The following EIF4A3 variants were observed in gnomAD, a reference collection of about 807,000 sequenced individuals.
EIF4A3 encodes eukaryotic translation initiation factor 4A3.
Under a neutral mutation model 55.6 loss-of-function variants are expected in EIF4A3, and 1 was observed. That is an observed-to-expected ratio of 0.02 (90% CI 0.01 to 0.09). The LOEUF (loss-of-function observed/expected upper bound fraction) is 0.09. Among genes scored for constraint, EIF4A3 ranks in the 10% least tolerant of loss-of-function variants. The pLI is 1.00. For missense variants in EIF4A3, 221 were observed against 540.7 expected, an observed-to-expected ratio of 0.41 and a Z score of 5.86; for synonymous variants, 194 against 196.3, an observed-to-expected ratio of 0.99 and a Z score of 0.10.
At chr17:80,145,021 G>A (rs1272125421) in intron 1 of EIF4A3, among the ~76,000 whole-genome samples, 1 of 152,148 alleles carries the variant, frequency 6.6e-6, no homozygotes, top group Non-Finnish European at 1.5e-5. Flanking sequence ...CGAAAAATAA[G>A]AAACAAAAGA....
chr17:80,135,682 G>A, intron 11 of EIF4A3, 176 bp from the exon 12 acceptor site: 1 of 638,502 alleles, frequency 1.6e-6, no homozygotes, highest in East Asian at 2.8e-5. Context: ...GATCATTTGA[G>A]GCCAGGAGTT....
In EIF4A3 at chr17:80,139,005, C is replaced by A; in HGVS notation, c.728+16G>T. The A allele has an allele frequency of 6.2e-7, 1 of 1,612,234 alleles. No individual in the cohort carries two copies. The highest frequency in any genetic ancestry group is 8.5e-7 in the Non-Finnish European group (1 of 1,179,112). On this transcript the variant is annotated intron_variant, in intron 7 of 11. Transcript: ENST00000649764. ...CGGCCCAGTGTTTTAGTAAACTTGA[C>A]AAGAGGGGCTCCTACCGTTTCACCA...
chr17:80,137,712 T>C (rs1340789207), intron 8 of EIF4A3: 14 of 539,282 alleles, frequency 2.6e-5, no homozygotes, highest in Non-Finnish European at 4.0e-5. Flanking sequence ...ATTTTCTCCA[T>C]ATAATGACTC....
intron 6 of EIF4A3, 109 bp from the exon 7 acceptor site, chr17:80,139,271 A>T (rs1220256262): frequency 2.8e-6 from 4 of 1,434,546 alleles, no homozygotes; most frequent in Non-Finnish European, 3.8e-6. Flanking sequence ...GTGATAAGGT[A>T]CGTTTGACAG....
intron 2 of EIF4A3, 136 bp downstream of exon 2, chr17:80,144,036 C>A (rs1169317925): frequency 7.4e-6 from 6 of 810,030 alleles, no homozygotes; most frequent in Admixed American, 4.7e-5. Flanking sequence ...AAGTATTAAA[C>A]CCTGTGGCTA....
Position 80,140,532 on chromosome 17 carries a change from G to A in EIF4A3, c.373-392C>T, listed in dbSNP as rs181303093. The A allele has an allele frequency of 5.2e-5, 9 of 174,194 alleles. No homozygotes were observed. In the East Asian group the frequency reaches 1.6e-3, roughly 31 times the overall value. 10.8% of individuals were successfully genotyped at this position (174,194 alleles called of 1,614,324 possible). ...TGGGGTTTCACCGTGTTAGCACACCGTGCTGTGTGCACCCTATATGTGTAT... is the reference window on the plus strand; with the variant it reads ...TGGGGTTTCACCGTGTTAGCACACCATGCTGTGTGCACCCTATATGTGTAT... On this transcript the variant is annotated intron_variant, in intron 4 of 11. Coordinates refer to ENST00000649764, the MANE Select transcript of EIF4A3 (RefSeq NM_014740.4).
chr17:80,135,827 A>G, intron 11 of EIF4A3, 177 bp downstream of exon 11: 1 of 738,972 alleles, frequency 1.4e-6, no homozygotes, highest in South Asian at 1.9e-5. Context: ...CCCAGGAGGC[A>G]GAGGTTGCAG....
chr17:80,143,170 G>C (rs1266586476), intron 2 of EIF4A3, among the ~76,000 whole-genome samples: 3 of 152,164 alleles, frequency 2.0e-5, no homozygotes, highest in Non-Finnish European at 4.4e-5. Context: ...GACTGGGTTC[G>C]AAGAGCTTCT....
rs146631753 is a variant in EIF4A3, at chr17:80,146,893, C to A, written c.69G>T (p.Met23Ile). The A allele has an allele frequency of 6.2e-7, 1 of 1,611,414 alleles. No individual in the cohort carries two copies. Among genetic ancestry groups the A allele is most frequent in the Non-Finnish European group, 8.5e-7 (1 of 1,179,088 alleles). ...CGCTGGTCTCGAATTCCACTTTAGT[C>A]ATGTCTTCCTCTTTGAGCAGCCGCT... ...ARKRLLKEED[M>I]TKVEFETSEE... is the part of the protein sequence containing the mutation. The change falls in exon 1 of 12, where the codon ATG becomes ATT. Residue 23 changes from methionine to isoleucine, a missense_variant. Transcript: ENST00000649764.
In EIF4A3 at chr17:80,139,173, G is replaced by A. The variant is rs779611208; in HGVS notation, c.587-11C>T. 4 of 1,613,964 alleles carry A rather than the reference G, an allele frequency of 2.5e-6. No homozygotes were observed. The South Asian group carries it at 3.3e-5, about 13-fold the overall frequency. ...TCTGCTCTTTGAAACCTGGGACAGGGAGCAAGACAGGTGAGGGATGTTTAG... is the reference window on the plus strand; with the variant it reads ...TCTGCTCTTTGAAACCTGGGACAGGAAGCAAGACAGGTGAGGGATGTTTAG... On this transcript the variant is annotated splice_polypyrimidine_tract_variant and intron_variant, in intron 6 of 11. Coordinates refer to ENST00000649764, the MANE Select transcript of EIF4A3 (RefSeq NM_014740.4).
At position 80,141,713 on chromosome 17, in the gene EIF4A3, T is replaced by C. The variant is rs1450185084; in HGVS notation, c.309+69A>G. The C allele has an allele frequency of 3.3e-5, 49 of 1,477,890 alleles. No homozygotes were observed. The South Asian group carries it at 5.3e-4, about 16-fold the overall frequency. 91.5% of individuals were successfully genotyped at this position (1,477,890 alleles called of 1,614,324 possible). On this transcript the variant is annotated intron_variant, in intron 3 of 11. Coordinates refer to ENST00000649764, the MANE Select transcript of EIF4A3 (RefSeq NM_014740.4). ...TTTAAATTGTACTTTTTGAACACTG[T>C]AGTTACAGAAGAAAAAGCAAGTATT...
chr17:80,135,917 CAACAACAAAAAAACA>C, intron 11 of EIF4A3, 72 bp downstream of exon 11: 1 of 1,539,072 alleles, frequency 6.5e-7, no homozygotes, highest in East Asian at 2.3e-5. Flanking sequence ...AAAAAACCCA[CAACAACAAAAAAACA>C]AACTCAGGTG....
rs1286394558 is a variant in EIF4A3 at position 80,146,831 on chromosome 17, C to T, written c.131G>A (p.Gly44Asp). ...GCCCCGCAGCAGGTCCTCCCGCAGG[C>T]CCATGGTGTCGAACGTGGGGGTCAC... ...VDVTPTFDTM[G>D]LREDLLRGIY... The change falls in exon 1 of 12, where the codon GGC becomes GAC. Residue 44 changes from glycine to aspartate, a missense_variant. Coordinates refer to ENST00000649764, the MANE Select transcript of EIF4A3 (RefSeq NM_014740.4). 1 of 1,611,278 alleles carries T rather than the reference C, an allele frequency of 6.2e-7. No individual in the cohort carries two copies. The highest frequency in any genetic ancestry group is 1.7e-5 in the Admixed American group (1 of 59,978).
intron 1 of EIF4A3, among the ~76,000 whole-genome samples, chr17:80,144,781 C>T (rs921312882): frequency 3.3e-5 from 5 of 152,216 alleles, no homozygotes; most frequent in East Asian, 3.8e-4. Flanking sequence ...GTTTAACCTG[C>T]GTGGGTCACG....
intron 1 of EIF4A3, among the ~76,000 whole-genome samples, chr17:80,145,565 G>A (rs1273422253): frequency 6.6e-6 from 1 of 152,082 alleles, no homozygotes; most frequent in Non-Finnish European, 1.5e-5. Context: ...ACTGTCAGAA[G>A]GAAAAGGAAG....
At chr17:80,144,084 T>C in intron 2 of EIF4A3, 88 bp downstream of exon 2, 1 of 1,270,656 alleles carries the variant, frequency 7.9e-7, no homozygotes, top group Non-Finnish European at 1.2e-6. Flanking sequence ...GTGTACAAGC[T>C]GAGGGAAACA....
Position 80,146,936 on chromosome 17 carries a change from G to A in EIF4A3, c.26C>T (p.Thr9Ile), listed in dbSNP as rs199770425. The A allele has an allele frequency of 2.1e-5, 34 of 1,608,054 alleles. No individual in the cohort carries two copies. The highest frequency in any genetic ancestry group is 5.4e-5 in the African/African-American group (4 of 74,016). The change falls in exon 1 of 12, where the codon ACC (threonine) becomes ATC (isoleucine). Residue 9 changes from threonine to isoleucine, a missense_variant. By Grantham distance (89) the Thr-to-Ile change is moderately conservative (BLOSUM62 -1). Around this residue, in one of 4 missense-constraint regions of EIF4A3, gnomAD observed 43 missense variants for 39.1 expected, o/e 1.10. Coordinates refer to ENST00000649764, the MANE Select transcript of EIF4A3 (RefSeq NM_014740.4). ...CAGCCGCTTTCGCGCCGAGCCCGAG[G>A]TCGCCATCGTGGCCGTGGTCGCCAT... Reference protein sequence around the residue: MATTATMATSGSARKRLLK... With the variant: MATTATMAISGSARKRLLK...
At chr17:80,135,578 T>C in intron 11 of EIF4A3, 72 bp from the exon 12 acceptor site, 1 of 1,376,358 alleles carries the variant, frequency 7.3e-7, no homozygotes, top group Non-Finnish European at 1.0e-6. Context: ...TAAATTTAAC[T>C]AAAACCTCAC....
At chr17:80,145,534 AGCCTTGGTGACAAG>A (rs2039652312) in intron 1 of EIF4A3, among the ~76,000 whole-genome samples, 1 of 152,212 alleles carries the variant, frequency 6.6e-6, no homozygotes, top group Non-Finnish European at 1.5e-5. Flanking sequence ...ACTACACTCC[AGCCTTGGTGACAAG>A]AGCAGGACTG....
Sources: allele counts gnomAD v4.1 joint callset (sites outside exome capture counted in the v4.1 genomes callset), GRCh38; gene constraint gnomAD v4.1.1; regional missense constraint gnomAD v4.1.1; transcripts MANE v1.5; gene names NCBI Gene and HGNC (gene_info 2026-07-23, HGNC 2026-07-21).